The following ZNF7 variants were observed in gnomAD, a reference collection of about 807,000 sequenced individuals.
The protein encoded by ZNF7 is C2-H2 type zinc finger protein.
A neutral mutation model predicts 12.0 loss-of-function variants in ZNF7; 10 were observed. The observed-to-expected ratio is 0.83, with a 90% CI of 0.51 to 1.42. ZNF7 has a LOEUF of 1.42. Ranked by LOEUF, ZNF7 falls within the 40% of genes most tolerant of loss-of-function variation. ZNF7 has a pLI of 0.00. For missense variants in ZNF7, 854 were observed against 837.2 expected (o/e 1.02, Z -0.25); for synonymous variants, 334 against 295.0 (o/e 1.13, Z -1.35).
intron 1 of ZNF7, 150 bp from the exon 2 acceptor site, chr8:144,828,893 G>A: frequency 1.0e-6 from 1 of 954,950 alleles, no homozygotes; most frequent in Non-Finnish European, 1.6e-6. Flanking sequence ...CTTCACTCAA[G>A]TGCCATGGCT....
rs1828365426 is a variant in ZNF7 at position 144,830,835 on chromosome 8, G to C, written c.130+1231G>C. 2.4e-5 allele frequency: 10 copies of C among 422,060 alleles called. No individual in the cohort carries two copies. In the Admixed American group the frequency reaches 2.6e-4, roughly 11 times the overall value. The allele number at this position is 422,060 out of a possible 1,614,324, so 26.1% of individuals were successfully genotyped here. ...CGCCACCTCCGCCTCCTGGGTTCAA[G>C]CGATTCTCCTGCCTCAGCCTCCCGA... On this transcript the variant is annotated intron_variant, in intron 3 of 4. Coordinates refer to ENST00000532777, the MANE Select transcript of ZNF7 (RefSeq NM_003416.4).
At chr8:144,831,158 T>C (rs1400634122) in intron 3 of ZNF7, 2 of 356,590 alleles carry the variant, frequency 5.6e-6, no homozygotes, top group African/African-American at 2.2e-5. Context: ...GTTGCTGATG[T>C]ACCAGTAACT....
chr8:144,837,881 C>G lies in ZNF7; in HGVS notation c.247+374C>G, dbSNP rs984113567. On this transcript the variant is annotated intron_variant, in intron 4 of 4. Transcript: ENST00000532777. ...ATTCAGTAACCTCTCCTCGGGTAAG[C>G]ATATTCCCTGAGGCAGCTCCCTTCA... 6 of 574,296 alleles carry G rather than the reference C, an allele frequency of 1.0e-5. No homozygotes were observed. The Admixed American group carries it at 1.8e-4, about 17-fold the overall frequency. 35.6% of individuals were successfully genotyped at this position (574,296 alleles called of 1,614,324 possible).
chr8:144,843,305 T>A lies in ZNF7; in HGVS notation c.*137T>A. 2.6e-6 allele frequency: 3 copies of A among 1,135,470 alleles called. No homozygotes were observed. Among genetic ancestry groups the A allele is most frequent in the African/African-American group, 3.1e-5 (2 of 63,760 alleles). 70.3% of individuals were successfully genotyped at this position (1,135,470 alleles called of 1,614,324 possible). ...GAATTGCTCTCAAGAATATCCAACT[T>A]CAGGCCGAGTGTGGTGGCTTATGCC... On this transcript the variant is annotated 3_prime_UTR_variant, in exon 5 of 5. Coordinates refer to ENST00000532777, the MANE Select transcript of ZNF7 (RefSeq NM_003416.4).
At chr8:144,844,795 AGGG>A (rs1257883332), downstream of ZNF7, among the ~76,000 whole-genome samples, 7 of 150,934 alleles carry the variant, frequency 4.6e-5, no homozygotes, top group Non-Finnish European at 2.9e-5. Flanking sequence ...GAACCTGAGA[AGGG>A]GTGATGAGAG....
chr8:144,828,389 C>T (rs911803990), intron 1 of ZNF7, among the ~76,000 whole-genome samples: 1 of 152,178 alleles, frequency 6.6e-6, no homozygotes, highest in Non-Finnish European at 1.5e-5. Flanking sequence ...CCACTCTTGT[C>T]TTCCCTACAG....
intron 3 of ZNF7, chr8:144,834,772 G>A (rs992598707): frequency 2.9e-5 from 4 of 139,926 alleles, no homozygotes; most frequent in Non-Finnish European, 6.0e-5. Context: ...ACGGAGTCTC[G>A]CTCTGTTGCG....
At chr8:144,833,743 A>T (rs1480922095) in intron 3 of ZNF7, 1 of 151,964 alleles carries the variant, frequency 6.6e-6, no homozygotes, top group Non-Finnish European at 1.5e-5. Context: ...AGTGTTTCTT[A>T]ATACTACAAG....
intron 1 of ZNF7, 176 bp downstream of exon 1, chr8:144,827,785 C>T: frequency 1.4e-6 from 1 of 701,872 alleles, no homozygotes; most frequent in South Asian, 6.3e-5. Context: ...TGGTCGAGCC[C>T]AGCCACCCTC....
downstream of ZNF7, among the ~76,000 whole-genome samples, chr8:144,844,566 C>T (rs901492215): frequency 1.4e-4 from 22 of 151,862 alleles, no homozygotes; most frequent in Admixed American, 4.6e-4. Flanking sequence ...AAAAATTAGC[C>T]GGGCGTGGTG....
chr8:144,829,345 A>G (rs185049380), intron 2 of ZNF7, 133 bp from the exon 3 acceptor site: 7 of 1,549,188 alleles, frequency 4.5e-6, no homozygotes. Context: ...TCCCCAGAAT[A>G]TTAGAGGCAG....
rs982951999 is a variant in ZNF7 at position 144,843,417 on chromosome 8, T to A, written c.*249T>A. On this transcript the variant is annotated 3_prime_UTR_variant, in exon 5 of 5. Transcript: ENST00000532777. ...ATCCTGGGTAACAGGTGAAACCCCA[T>A]CTCTACTAAAAATACAAAAATTTAG... 1.4e-5 allele frequency: 5 copies of A among 355,214 alleles called. No individual in the cohort carries two copies. The highest frequency in any genetic ancestry group is 1.1e-4 in the African/African-American group (5 of 47,280). 22.0% of individuals were successfully genotyped at this position (355,214 alleles called of 1,614,324 possible). A position where few individuals can be genotyped will look rare whatever the true frequency, so the allele number is the denominator to read the frequency against.
At chr8:144,838,316 G>A (rs1469671589) in intron 4 of ZNF7, 2 of 585,448 alleles carry the variant, frequency 3.4e-6, no homozygotes, top group African/African-American at 3.7e-5. Flanking sequence ...TTCCAAACAA[G>A]GTCACATTCT....
At chr8:144,837,699 A>G (rs575581774) in intron 4 of ZNF7, among the ~76,000 whole-genome samples, 192 bp downstream of exon 4, 4 of 152,330 alleles carry the variant, frequency 2.6e-5, no homozygotes, top group Admixed American at 6.5e-5. Context: ...GGAGAGGCCA[A>G]ACTGCAGAAG....
chr8:144,845,263 A>G (rs1384278308), downstream of ZNF7, among the ~76,000 whole-genome samples: 5 of 152,076 alleles, frequency 3.3e-5, no homozygotes, highest in Admixed American at 6.6e-5. Flanking sequence ...GGGCCCTATC[A>G]GTTCCTTTTG....
At chr8:144,840,668 T>C (rs1625919) in intron 4 of ZNF7, among the ~76,000 whole-genome samples, 54,840 of 151,802 alleles carry the variant, frequency 0.36, 9,994 homozygotes, top group South Asian at 0.46. Context: ...GAAGGCCTCC[T>C]GGGGGCCTCC....
chr8:144,843,268 G>A lies in ZNF7; in HGVS notation c.*100G>A. 1 of 1,377,114 alleles carries A rather than the reference G, an allele frequency of 7.3e-7. No homozygotes were observed. Among genetic ancestry groups the A allele is most frequent in the South Asian group, 1.5e-5 (1 of 66,900 alleles). The allele number at this position is 1,377,114 out of a possible 1,614,324, so 85.3% of individuals were successfully genotyped here. Reference sequence around the variant, plus strand: ...TATACTGACAAACATGTAGAATGTTGGTAAAGGTTCAGAATTGCTCTCAAG... The same window carrying A: ...TATACTGACAAACATGTAGAATGTTAGTAAAGGTTCAGAATTGCTCTCAAG... On this transcript the variant is annotated 3_prime_UTR_variant, in exon 5 of 5. Transcript: ENST00000532777.
chr8:144,833,387 G>T (rs1353693818), intron 3 of ZNF7, among the ~76,000 whole-genome samples: 9 of 149,288 alleles, frequency 6.0e-5, no homozygotes, highest in Admixed American at 3.3e-4. Flanking sequence ...GCTTTTTTTT[G>T]AAATAAAGTC....
intron 3 of ZNF7, among the ~76,000 whole-genome samples, chr8:144,832,876 G>C (rs540540978): frequency 4.6e-5 from 7 of 152,048 alleles, no homozygotes; most frequent in Non-Finnish European, 8.8e-5. Flanking sequence ...TCCACACATA[G>C]CTGTTTTCCC....
Sources: allele counts gnomAD v4.1 joint callset (sites outside exome capture counted in the v4.1 genomes callset), GRCh38; gene constraint gnomAD v4.1.1; transcripts MANE v1.5; gene names NCBI Gene and HGNC (gene_info 2026-07-23, HGNC 2026-07-21).